CACTIN: variants seen among roughly 807,000 people sequenced by gnomAD.
The protein encoded by CACTIN is cactin, spliceosome C complex subunit.
A neutral mutation model predicts 84.9 loss-of-function variants in CACTIN; 20 were observed. The ratio of observed to expected loss-of-function variants is 0.24; its 90% confidence interval spans 0.17 to 0.34. The LOEUF (loss-of-function observed/expected upper bound fraction) is 0.34. Among genes scored for constraint, CACTIN ranks in the 10% least tolerant of loss-of-function variants. CACTIN has a pLI of 1.00. For missense variants in CACTIN, 897 were observed against 1,117.2 expected, an observed-to-expected ratio of 0.80 and a Z score of 2.81; for synonymous variants, 549 against 467.9, an observed-to-expected ratio of 1.17 and a Z score of -2.24.
At position 3,618,921 on chromosome 19, in the gene CACTIN, G is replaced by A. The variant is rs370475283; in HGVS notation, c.1116C>T (p.Asp372=). The A allele has an allele frequency of 3.7e-5, 57 of 1,559,106 alleles. No individual in the cohort carries two copies. Among genetic ancestry groups the A allele is most frequent in the Non-Finnish European group, 4.2e-5 (48 of 1,151,430 alleles). Residue 372 remains aspartate, a synonymous_variant, in exon 6 of 10, where the codon GAC becomes GAT. Transcript: ENST00000429344. ...CCAGCTTGCGGAGCTTGGAGATCTC[G>A]TCCTCGGTGATGGTGGTCATGTCCC... is the stretch of plus-strand genomic sequence containing the variant. ...FWRDMTTITE[D]EISKLRKLEA...
In CACTIN at chr19:3,617,197, T is replaced by C. The variant is rs1167245486; in HGVS notation, c.1162+1678A>G. 2.6e-5 allele frequency among the ~76,000 whole-genome samples: 4 copies of C among 152,224 alleles called. No individual in the cohort carries two copies. The East Asian group carries it at 7.7e-4, about 29-fold the overall frequency. On this transcript the variant is annotated intron_variant, in intron 6 of 9. Transcript: ENST00000429344. The stretch of plus-strand genomic sequence containing the variant: ...GGGAGGCTGAGGTGGGAGGATCACC[T>C]GAACCCAGGAAGTCGAGGCTACAGT...
intron 1 of CACTIN, among the ~76,000 whole-genome samples, 182 bp downstream of exon 1, chr19:3,626,414 A>G (rs2033334037): frequency 6.6e-6 from 1 of 152,154 alleles, no homozygotes; most frequent in Non-Finnish European, 1.5e-5. Flanking sequence ...CCCTGCCTGG[A>G]ACGCCTCTCG....
chr19:3,610,683 T>C lies in CACTIN; in HGVS notation c.*1240A>G, dbSNP rs1313746515. The C allele has an allele frequency of 2.2e-6, 1 of 454,684 alleles. No individual in the cohort carries two copies. Among genetic ancestry groups the C allele is most frequent in the Admixed American group, 2.4e-5 (1 of 41,956 alleles). The allele number at this position is 454,684 out of a possible 1,614,324, so 28.2% of individuals were successfully genotyped here. On this transcript the variant is annotated 3_prime_UTR_variant, in exon 10 of 10. Transcript: ENST00000429344. ...CAACGTTTATTAAAAAAACATGCGA[T>C]CTTGCCAATAGGCCAATTCCATGAG... is the stretch of plus-strand genomic sequence containing the variant.
rs1555709471 is a variant in CACTIN, at chr19:3,613,245, G to A, written c.1599C>T (p.Gly533=). 1.9e-6 allele frequency: 3 copies of A among 1,609,494 alleles called. No homozygotes were observed. The highest frequency in any genetic ancestry group is 1.3e-5 in the African/African-American group (1 of 74,894). ...TGAGCACCGCCTCGCCCTCGCCCTC[G>A]CCCTCACCGTCCCCGTCGCCGTCGC... ...TEGDGDGDGE[G]EGEGEAVLME... is the part of the protein sequence containing the mutation. Residue 533 remains glycine, a synonymous_variant, in exon 9 of 10, where the codon GGC becomes GGT. Coordinates refer to ENST00000429344, the MANE Select transcript of CACTIN (RefSeq NM_001080543.2).
chr19:3,614,320 C>G (rs2033055062), intron 7 of CACTIN, 77 bp downstream of exon 7: 1 of 1,424,798 alleles, frequency 7.0e-7, no homozygotes, highest in Non-Finnish European at 9.6e-7. Context: ...GAGACCCACC[C>G]CACCCAGGAC....
rs372707975 is a variant in CACTIN, at chr19:3,620,283, A to G, written c.739-11T>C. On this transcript the variant is annotated splice_polypyrimidine_tract_variant and intron_variant, in intron 3 of 9. Transcript: ENST00000429344. ...CCGCAGCTGCTTCACCTGCAGGCACAGGAGGCTGAGGGCAGCGGGGACCGT... is the reference window on the plus strand; with the variant it reads ...CCGCAGCTGCTTCACCTGCAGGCACGGGAGGCTGAGGGCAGCGGGGACCGT... 3.2e-4 allele frequency: 494 copies of G among 1,555,552 alleles called. 8 individuals carry two copies. The East Asian group carries it at 7.7e-3, about 24-fold the overall frequency.
In CACTIN at chr19:3,613,359, C is replaced by T. The variant is rs1403027693; in HGVS notation, c.1485G>A (p.Glu495=). The T allele has an allele frequency of 2.6e-6, 4 of 1,516,974 alleles. No homozygotes were observed. The highest frequency in any genetic ancestry group is 1.2e-5 in the South Asian group (1 of 80,346). The allele number at this position is 1,516,974 out of a possible 1,614,324, so 94.0% of individuals were successfully genotyped here. ...QEPQSPSRSL[E]PEDAAPTPPG... Reference sequence around the variant, plus strand: ...GCGGGGTGGGCGCCGCGTCCTCAGGCTCCAGGCTGGGAGGAGAGAGCGTTG... The same window carrying T: ...GCGGGGTGGGCGCCGCGTCCTCAGGTTCCAGGCTGGGAGGAGAGAGCGTTG... The change falls in exon 9 of 10, where the codon GAG becomes GAA. Residue 495 remains glutamate (E), a synonymous_variant. Coordinates refer to ENST00000429344, the MANE Select transcript of CACTIN (RefSeq NM_001080543.2).
In CACTIN at chr19:3,611,892, G is replaced by A. The variant is rs1347422454; in HGVS notation, c.*31C>T. On this transcript the variant is annotated 3_prime_UTR_variant, in exon 10 of 10. Coordinates refer to ENST00000429344, the MANE Select transcript of CACTIN (RefSeq NM_001080543.2). ...ACCGAAGCCCCTTTACTGTGCCCCC[G>A]AGGACACCTGCCTGCCGTTCCCCAG... 44 of 1,608,130 alleles carry A rather than the reference G, an allele frequency of 2.7e-5. No individual in the cohort carries two copies. Among genetic ancestry groups the A allele is most frequent in the Non-Finnish European group, 3.5e-5 (41 of 1,178,684 alleles).
At chr19:3,617,373 C>T (rs1390127482) in intron 6 of CACTIN, among the ~76,000 whole-genome samples, 1 of 152,206 alleles carries the variant, frequency 6.6e-6, no homozygotes, top group Non-Finnish European at 1.5e-5. Context: ...AAGTCAAGAC[C>T]CCTCGGTTCC....
intron 1 of CACTIN, among the ~76,000 whole-genome samples, chr19:3,624,692 C>G (rs149876245): frequency 1.3e-3 from 201 of 152,100 alleles, no homozygotes; most frequent in Non-Finnish European, 2.3e-3. Flanking sequence ...GGGTACGAAC[C>G]AGGGGACCCG....
At position 3,611,881 on chromosome 19, in the gene CACTIN, A is replaced by G; in HGVS notation, c.*42T>C. On this transcript the variant is annotated 3_prime_UTR_variant, in exon 10 of 10. Coordinates refer to ENST00000429344, the MANE Select transcript of CACTIN (RefSeq NM_001080543.2). ...CCACCAGCTTCACCGAAGCCCCTTT[A>G]CTGTGCCCCCGAGGACACCTGCCTG... is the stretch of plus-strand genomic sequence containing the variant. 6.2e-7 allele frequency: 1 copy of G among 1,602,238 alleles called. No individual in the cohort carries two copies. The highest frequency in any genetic ancestry group is 8.5e-7 in the Non-Finnish European group (1 of 1,176,804).
intron 2 of CACTIN, 97 bp from the exon 3 acceptor site, chr19:3,620,899 T>G (rs2033210008): frequency 1.0e-6 from 1 of 963,600 alleles, no homozygotes; most frequent in Non-Finnish European, 1.6e-6. Context: ...GCCCTTGTTT[T>G]GCAGAGAGAG....
At chr19:3,612,939 G>A in intron 9 of CACTIN, 119 bp downstream of exon 9, 1 of 1,226,254 alleles carries the variant, frequency 8.2e-7, no homozygotes, top group Non-Finnish European at 1.2e-6. Context: ...ACCCGGGGGA[G>A]AAGCAGCAAG....
chr19:3,624,779 T>C (rs1338246759), intron 1 of CACTIN, among the ~76,000 whole-genome samples: 2 of 151,772 alleles, frequency 1.3e-5, no homozygotes, highest in Non-Finnish European at 2.9e-5. Flanking sequence ...TGGACAGGAG[T>C]TAACAGAGTA....
At chr19:3,621,111 C>A (rs181405823) in intron 2 of CACTIN, 1 of 481,060 alleles carries the variant, frequency 2.1e-6, no homozygotes, top group African/African-American at 2.0e-5. Context: ...CGGGGCCACC[C>A]CAGCCCCCAA....
Position 3,620,209 on chromosome 19 carries a change from G to T in CACTIN, c.802C>A (p.Leu268Met), listed in dbSNP as rs767785709. The stretch of plus-strand genomic sequence containing the variant: ...TGCTCTGCCTCCTTCTCGCGCTGCA[G>T]CATCTCCAGCTCCTGCTCGCGCATG... ...KAMREQELEM[L>M]QREKEAEHFK... Residue 268 changes from leucine (L) to methionine (M), a missense_variant, in exon 4 of 10, where the codon CTG (leucine) becomes ATG (methionine). This residue lies in a region of CACTIN where 304 missense variants were observed against 444.3 expected (regional missense o/e 0.68). Transcript: ENST00000429344. The T allele has an allele frequency of 6.2e-7, 1 of 1,607,994 alleles. No homozygotes were observed. Among genetic ancestry groups the T allele is most frequent in the African/African-American group, 1.3e-5 (1 of 75,010 alleles).
chr19:3,619,224 C>T lies in CACTIN; in HGVS notation c.903G>A (p.Arg301=). 1 of 1,613,384 alleles carries T rather than the reference C, an allele frequency of 6.2e-7. No individual in the cohort carries two copies. The highest frequency in any genetic ancestry group is 8.5e-7 in the Non-Finnish European group (1 of 1,179,788). ...QAKLRSKIRI[R]DGRAKPIDLL... The stretch of plus-strand genomic sequence containing the variant: ...GGTCGATGGGCTTGGCCCGCCCGTC[C>T]CGGATGCGGATCTTGGAACTGTGGG... Residue 301 remains arginine, a synonymous_variant, in exon 5 of 10, where the codon CGG becomes CGA. Coordinates refer to ENST00000429344, the MANE Select transcript of CACTIN (RefSeq NM_001080543.2).
In CACTIN at chr19:3,611,848, C is replaced by T. The variant is rs575613511; in HGVS notation, c.*75G>A. ...GGCCCTGCAGCCCAGACAGCGGCCC[C>T]GGAGTGACCACCAGCTTCACCGAAG... On this transcript the variant is annotated 3_prime_UTR_variant, in exon 10 of 10. Coordinates refer to ENST00000429344, the MANE Select transcript of CACTIN (RefSeq NM_001080543.2). 9.3e-4 allele frequency: 1,459 copies of T among 1,560,858 alleles called. 1 individual carries two copies. Among genetic ancestry groups the T allele is most frequent in the Non-Finnish European group, 1.2e-3 (1,358 of 1,155,810 alleles).
Position 3,612,424 on chromosome 19 carries a change from G to T in CACTIN, c.1787-11C>A. Reference sequence around the variant, plus strand: ...TCTCGCTGGCGTCTCCTGCGGGCGGGACGGCGTTCACCCGGGCCTCGGCCT... The same window carrying T: ...TCTCGCTGGCGTCTCCTGCGGGCGGTACGGCGTTCACCCGGGCCTCGGCCT... On this transcript the variant is annotated splice_polypyrimidine_tract_variant and intron_variant, in intron 9 of 9. Transcript: ENST00000429344. 6.4e-7 allele frequency: 1 copy of T among 1,574,534 alleles called. No homozygotes were observed. Among genetic ancestry groups the T allele is most frequent in the Non-Finnish European group, 8.6e-7 (1 of 1,165,476 alleles).
Sources: allele counts gnomAD v4.1 joint callset (sites outside exome capture counted in the v4.1 genomes callset), GRCh38; gene constraint gnomAD v4.1.1; regional missense constraint gnomAD v4.1.1; transcripts MANE v1.5; gene names NCBI Gene and HGNC (gene_info 2026-07-23, HGNC 2026-07-21).